LYRM4: variants seen among roughly 807,000 people sequenced by gnomAD.
The protein encoded by LYRM4 is LYR motif-containing protein 4.
LYRM4 carries 9 observed loss-of-function variants against 11.7 expected under a neutral mutation model. That is an observed-to-expected ratio of 0.77 (90% confidence interval 0.46 to 1.34). The LOEUF is 1.34. LYRM4 is among the 40% of genes most tolerant of loss of function. LYRM4 has a pLI of 0.00. For missense variants in LYRM4, 133 were observed against 112.5 expected (o/e 1.18, Z -0.82); for synonymous variants, 42 against 40.4 (o/e 1.04, Z -0.15).
chr6:5,084,531 C>CGGGCGGGACAGGGGGAG, the LYRM4 span: 4 of 151,892 alleles, frequency 2.6e-5, no homozygotes, highest in Non-Finnish European at 5.9e-5. Flanking sequence ...GCGGGCGCGT[C>CGGGCGGGACAGGGGGAG]GGGCGGGACA....
chr6:5,044,134 T>C, the LYRM4 span, among the ~76,000 whole-genome samples: 1 of 151,892 alleles, frequency 6.6e-6, no homozygotes. Flanking sequence ...TGTTTGTTTG[T>C]TTTTTGTTTG....
At chr6:5,085,659 CCT>C in the LYRM4 span, 1 of 1,548,496 alleles carries the variant, frequency 6.5e-7, no homozygotes, top group African/African-American at 1.4e-5. Context: ...GGGATAGGCC[CCT>C]GTCCCCGAAG....
At chr6:5,169,724 T>C (rs1759307228) in intron 2 of LYRM4, among the ~76,000 whole-genome samples, 1 of 152,230 alleles carries the variant, frequency 6.6e-6, no homozygotes, top group Non-Finnish European at 1.5e-5. Context: ...AATTACACGC[T>C]GACTTATTCG....
chr6:5,095,936 C>T, the LYRM4 span, among the ~76,000 whole-genome samples: 1 of 152,176 alleles, frequency 6.6e-6, no homozygotes, highest in South Asian at 2.1e-4. Flanking sequence ...GCCGAGATCG[C>T]ACAACTGCAC....
chr6:5,063,987 C>A, the LYRM4 span, among the ~76,000 whole-genome samples: 2 of 152,130 alleles, frequency 1.3e-5, no homozygotes, highest in African/African-American at 2.4e-5. Context: ...TGTCTTGTGG[C>A]CTAAAGCCAT....
downstream of LYRM4, chr6:5,105,670 TG>T (rs1161067449): frequency 6.6e-6 from 1 of 152,176 alleles, no homozygotes; most frequent in African/African-American, 2.4e-5. Flanking sequence ...AAAACTTAGC[TG>T]GGCATGGTGG....
the LYRM4 span, among the ~76,000 whole-genome samples, chr6:5,062,004 C>T: frequency 1.7e-4 from 26 of 151,650 alleles, no homozygotes; most frequent in Admixed American, 1.7e-3. Flanking sequence ...TGATACTTTG[C>T]CATTTTCTTC....
At chr6:5,258,281 C>T (rs1265017131) in intron 1 of LYRM4, among the ~76,000 whole-genome samples, 1 of 152,194 alleles carries the variant, frequency 6.6e-6, no homozygotes, top group African/African-American at 2.4e-5. Flanking sequence ...TTACTTAAGG[C>T]ACAATTCGCA....
At chr6:5,248,357 G>A (rs943510602) in intron 1 of LYRM4, among the ~76,000 whole-genome samples, 2 of 152,220 alleles carry the variant, frequency 1.3e-5, no homozygotes, top group African/African-American at 4.8e-5. Flanking sequence ...TGGCCTCTAT[G>A]TCTTCCGCGT....
intron 1 of LYRM4, among the ~76,000 whole-genome samples, chr6:5,241,299 C>A (rs1023527147): frequency 2.6e-5 from 4 of 152,126 alleles, no homozygotes; most frequent in Non-Finnish European, 5.9e-5. Flanking sequence ...ACATACAGTG[C>A]GTGACAGACA....
Position 5,260,597 on chromosome 6 carries a change from G to A in LYRM4, c.86+51C>T, listed in dbSNP as rs1272084574. The A allele has an allele frequency of 7.5e-6, 9 of 1,207,414 alleles. No individual in the cohort carries two copies. In the Admixed American group the frequency reaches 1.7e-4, roughly 22 times the overall value. 74.8% of individuals were successfully genotyped at this position (1,207,414 alleles called of 1,614,324 possible). A position where few individuals can be genotyped will look rare whatever the true frequency, so the allele number is the denominator to read the frequency against. ...TATTCCGCGTCAGCCCGCACCCCCG[G>A]TCCCCGGCCCCTGGCCCCCCGCCCC... On this transcript the variant is annotated intron_variant, in intron 1 of 2. Coordinates refer to ENST00000330636, the MANE Select transcript of LYRM4 (RefSeq NM_020408.6).
chr6:5,197,287 G>A (rs955699287), intron 2 of LYRM4, among the ~76,000 whole-genome samples: 3 of 152,106 alleles, frequency 2.0e-5, no homozygotes, highest in Non-Finnish European at 4.4e-5. Flanking sequence ...TGAAGGGGGG[G>A]GCCAAGTGCC....
the LYRM4 span, among the ~76,000 whole-genome samples, chr6:5,052,588 A>G: frequency 6.6e-6 from 1 of 152,176 alleles, no homozygotes; most frequent in Admixed American, 6.5e-5. Flanking sequence ...GTAAGCCATC[A>G]TGTCTGGCCC....
At position 5,260,741 on chromosome 6, in the gene LYRM4, A is replaced by AG. The variant is rs1765035658; in HGVS notation, c.-9dup. The AG allele has an allele frequency of 7.8e-6, 12 of 1,545,176 alleles. No homozygotes were observed. Among genetic ancestry groups the AG allele is most frequent in the South Asian group, 1.2e-5 (1 of 84,200 alleles). On this transcript the variant is annotated 5_prime_UTR_variant, in exon 1 of 3. Transcript: ENST00000330636. ...GCGACTGGAGGCTGCCATTTTGGAA[A>AG]GAAAAAAAAATAAACGGGTCCTCTT...
At chr6:5,085,726 C>G in the LYRM4 span, 3 of 1,545,076 alleles carry the variant, frequency 1.9e-6, no homozygotes, top group South Asian at 3.6e-5. Context: ...CCGCCGCTGC[C>G]GCGCGCGCTC....
At chr6:5,146,173 G>GT (rs1261301347) in intron 2 of LYRM4, among the ~76,000 whole-genome samples, 1 of 152,186 alleles carries the variant, frequency 6.6e-6, no homozygotes, top group Non-Finnish European at 1.5e-5. Context: ...AAGCCTGTGA[G>GT]TTCAGGGGCA....
chr6:5,210,291 A>G (rs1168795961), intron 2 of LYRM4, among the ~76,000 whole-genome samples: 1 of 152,174 alleles, frequency 6.6e-6, no homozygotes, highest in Non-Finnish European at 1.5e-5. Flanking sequence ...GAACCATGGG[A>G]TTTTAGAACT....
the LYRM4 span, among the ~76,000 whole-genome samples, chr6:5,064,591 C>T: frequency 1.1e-4 from 17 of 152,068 alleles, no homozygotes; most frequent in East Asian, 1.9e-4. Context: ...TTTATAGAGA[C>T]GAGGGTCTCA....
chr6:5,169,494 T>C (rs1383921761), intron 2 of LYRM4, among the ~76,000 whole-genome samples: 3 of 152,148 alleles, frequency 2.0e-5, no homozygotes, highest in African/African-American at 7.2e-5. Context: ...AGCAGATAAC[T>C]ATACAAGGCA....
Sources: gnomAD v4.1 joint callset for allele counts (sites outside exome capture counted in the v4.1 genomes callset) on GRCh38, gnomAD v4.1.1 for gene constraint, MANE v1.5 for transcripts, NCBI Gene and HGNC (gene_info 2026-07-23, HGNC 2026-07-21) for gene names.